The following NRG2 variants were observed in gnomAD, a reference collection of about 807,000 sequenced individuals.
NRG2 encodes the protein neuregulin 2.
NRG2 carries 27 observed loss-of-function variants against 73.9 expected under a neutral mutation model. The observed-to-expected ratio is 0.37, with a 90% CI of 0.27 to 0.50. The LOEUF (loss-of-function observed/expected upper bound fraction) is 0.50, where lower values mean the gene tolerates loss of function less well. NRG2 is among the 20% of genes least tolerant of loss of function. The pLI, the probability that NRG2 is intolerant of heterozygous loss-of-function variation, is 0.96. For synonymous variants in NRG2, 532 were observed against 541.0 expected, an observed-to-expected ratio of 0.98 and a Z score of 0.23; for missense variants, 1,126 against 1,210.1, an observed-to-expected ratio of 0.93 and a Z score of 1.03.
At chr5:139,958,658 C>T (rs77441021) in intron 1 of NRG2, among the ~76,000 whole-genome samples, 6 of 152,146 alleles carry the variant, frequency 3.9e-5, no homozygotes, top group African/African-American at 1.4e-4. Context: ...AAAAAAAATC[C>T]CCAAACCATA....
Position 139,852,435 on chromosome 5 carries a change from T to C in NRG2, c.1541A>G (p.His514Arg), listed in dbSNP as rs765040546. ...HCSTATPTSS[H>R]RHESHTWSLE... ...CATGGGCCTTGGTGGTGCCTACCTG[T>C]GGCTGGAGGTGGGTGTGGCTGTGGA... Residue 514 changes from histidine (H) to arginine (R), a missense_variant, in exon 8 of 10, where the codon CAC (histidine) becomes CGC (arginine). By Grantham distance (29) the His-to-Arg change is conservative. Transcript: ENST00000361474. The surrounding 1 kb of genome is among the most constrained non-coding windows in gnomAD (Gnocchi z 4.4). The C allele has an allele frequency of 6.2e-6, 10 of 1,612,666 alleles. No homozygotes were observed. The South Asian group carries it at 9.9e-5, about 16-fold the overall frequency.
At chr5:140,007,570 A>C (rs1759009587) in intron 1 of NRG2, among the ~76,000 whole-genome samples, 1 of 152,098 alleles carries the variant, frequency 6.6e-6, no homozygotes, top group South Asian at 2.1e-4. Context: ...GCCTGTCTGT[A>C]CATTCTCCTT....
intron 1 of NRG2, among the ~76,000 whole-genome samples, chr5:139,945,666 A>T (rs1027945437): frequency 6.6e-6 from 1 of 152,000 alleles, no homozygotes. Context: ...TGTCATTGGC[A>T]TTTTGATAGG....
chr5:139,957,763 T>C (rs1245998814), intron 1 of NRG2, among the ~76,000 whole-genome samples: 1 of 152,186 alleles, frequency 6.6e-6, no homozygotes, highest in Non-Finnish European at 1.5e-5. Context: ...CTAGCATTCC[T>C]CCTGGAGTAA....
intron 1 of NRG2, among the ~76,000 whole-genome samples, chr5:139,979,845 C>T (rs953153385): frequency 6.6e-6 from 1 of 152,184 alleles, no homozygotes; most frequent in Non-Finnish European, 1.5e-5. Flanking sequence ...CTAAGTCATA[C>T]CTGCATTCCT....
chr5:139,966,077 A>G (rs1173926503), intron 1 of NRG2, among the ~76,000 whole-genome samples: 4 of 152,120 alleles, frequency 2.6e-5, no homozygotes, highest in Non-Finnish European at 2.9e-5. Context: ...TGGTATCCCC[A>G]GTGTCAGTGT....
rs1765099555 is a variant in NRG2, at chr5:139,904,452, G to A, written c.701-16941C>T. On this transcript the variant is annotated intron_variant, in intron 1 of 9. Transcript: ENST00000361474. The surrounding 1 kb of genome is among the most constrained non-coding windows in gnomAD (Gnocchi z 6.0). ...CCTCAGCTCTCCGCTGCCGCGCTGCGCCCCCGCCGCCTGCAGCCTCAGTGC... is the reference window on the plus strand; with the variant it reads ...CCTCAGCTCTCCGCTGCCGCGCTGCACCCCCGCCGCCTGCAGCCTCAGTGC... 1.9e-6 allele frequency: 2 copies of A among 1,072,420 alleles called. No homozygotes were observed. Among genetic ancestry groups the A allele is most frequent in the South Asian group, 1.4e-5 (1 of 70,402 alleles). 66.4% of individuals were successfully genotyped at this position (1,072,420 alleles called of 1,614,324 possible). A position where few individuals can be genotyped will look rare whatever the true frequency, so the allele number is the denominator to read the frequency against.
rs989508911 is a variant in NRG2 at position 140,008,027 on chromosome 5, G to T, written c.700+34343C>A. Among the ~76,000 whole-genome samples the T allele has an allele frequency of 1.3e-5, 2 of 152,186 alleles. No individual in the cohort carries two copies. The highest frequency in any genetic ancestry group is 2.9e-5 in the Non-Finnish European group (2 of 68,036). On this transcript the variant is annotated intron_variant, in intron 1 of 9. Coordinates refer to ENST00000361474, the MANE Select transcript of NRG2 (RefSeq NM_004883.3). This position sits in a 1 kb window ranked among gnomAD's most constrained non-coding sequence, Gnocchi z 4.2. The stretch of plus-strand genomic sequence containing the variant: ...GAAGTCTGATACTGTGAGACCCACA[G>T]CCGCCAGTCCTATAGTAGGAAGCTG...
At chr5:139,900,497 C>G (rs958875697) in intron 1 of NRG2, among the ~76,000 whole-genome samples, 3 of 152,354 alleles carry the variant, frequency 2.0e-5, no homozygotes, top group African/African-American at 4.8e-5. Flanking sequence ...GGGTGTGCTA[C>G]TGGCTCAGAA....
chr5:139,972,267 T>C (rs1756029214), intron 1 of NRG2, among the ~76,000 whole-genome samples: 1 of 152,110 alleles, frequency 6.6e-6, no homozygotes, highest in South Asian at 2.1e-4. Context: ...AAATTATAGA[T>C]GGTTAAGAGA....
intron 1 of NRG2, among the ~76,000 whole-genome samples, chr5:140,000,457 G>T (rs1480413992): frequency 6.6e-6 from 1 of 152,242 alleles, no homozygotes; most frequent in African/African-American, 2.4e-5. Flanking sequence ...AGAGGGAGAG[G>T]ACTGAAGGGC....
rs1199940475 is a variant in NRG2, at chr5:139,887,316, G to A, written c.872+24C>T. The A allele has an allele frequency of 6.2e-6, 10 of 1,612,264 alleles. No individual in the cohort carries two copies. The highest frequency in any genetic ancestry group is 7.6e-6 in the Non-Finnish European group (9 of 1,178,494). ...AGGAGGGAGGGCAGCTGCTTGGATG[G>A]AGGACAGGCTGGATATTGCTTACCT... On this transcript the variant is annotated intron_variant, in intron 2 of 9. Coordinates refer to ENST00000361474, the MANE Select transcript of NRG2 (RefSeq NM_004883.3). This position sits in a 1 kb window ranked among gnomAD's most constrained non-coding sequence, Gnocchi z 4.5.
chr5:139,865,747 T>C lies in NRG2; in HGVS notation c.1113-122A>G. Reference sequence around the variant, plus strand: ...CAAGTCAGGCACTTGGGGTCATACTTGTAGCTGAAGGGACTGGAGTCAGGG... The same window carrying C: ...CAAGTCAGGCACTTGGGGTCATACTCGTAGCTGAAGGGACTGGAGTCAGGG... On this transcript the variant is annotated intron_variant, in intron 4 of 9. Coordinates refer to ENST00000361474, the MANE Select transcript of NRG2 (RefSeq NM_004883.3). The surrounding 1 kb of genome is among the most constrained non-coding windows in gnomAD (Gnocchi z 5.2). 1 of 716,972 alleles carries C rather than the reference T, an allele frequency of 1.4e-6. No homozygotes were observed. The highest frequency in any genetic ancestry group is 2.7e-5 in the East Asian group (1 of 36,624). The allele number at this position is 716,972 out of a possible 1,614,324, so 44.4% of individuals were successfully genotyped here. A position where few individuals can be genotyped will look rare whatever the true frequency, so the allele number is the denominator to read the frequency against.
chr5:139,892,624 A>G (rs1764283648), intron 1 of NRG2, among the ~76,000 whole-genome samples: 1 of 152,010 alleles, frequency 6.6e-6, no homozygotes, highest in Non-Finnish European at 1.5e-5. Flanking sequence ...GGCCCACACT[A>G]CAATGCTAGT....
At chr5:139,967,885 G>A (rs1228771417) in intron 1 of NRG2, among the ~76,000 whole-genome samples, 3 of 152,006 alleles carry the variant, frequency 2.0e-5, no homozygotes, top group African/African-American at 7.3e-5. Flanking sequence ...CTTGAATCTG[G>A]GAGGCAGAGG....
intron 1 of NRG2, among the ~76,000 whole-genome samples, chr5:140,005,897 T>C (rs1758860675): frequency 6.6e-6 from 1 of 152,208 alleles, no homozygotes; most frequent in African/African-American, 2.4e-5. Context: ...TAGCTCCTTC[T>C]AGCTAACTCC....
chr5:139,848,383 C>A lies in NRG2; in HGVS notation c.2087G>T (p.Ser696Ile). 3 of 1,252,704 alleles carry A rather than the reference C, an allele frequency of 2.4e-6. No individual in the cohort carries two copies. The highest frequency in any genetic ancestry group is 3.0e-6 in the Non-Finnish European group (3 of 1,005,268). The allele number at this position is 1,252,704 out of a possible 1,614,324, so 77.6% of individuals were successfully genotyped here. A position where few individuals can be genotyped will look rare whatever the true frequency, so the allele number is the denominator to read the frequency against. Residue 696 changes from serine (S) to isoleucine (I), a missense_variant, in exon 10 of 10, where the codon AGC (serine) becomes ATC (isoleucine). Ser to Ile is a moderately radical substitution (Grantham distance 142, BLOSUM62 -2). This residue lies in a region of NRG2 where 402 missense variants were observed against 357.8 expected (regional missense o/e 1.12). Coordinates refer to ENST00000361474, the MANE Select transcript of NRG2 (RefSeq NM_004883.3). Reference protein sequence around the residue: ...PRRGTCALGGSLGSLPASPFR... With the variant: ...PRRGTCALGGILGSLPASPFR... ...GGGGCTGGCAGGCAGGCTGCCCAGG[C>A]TGCCGCCGAGCGCGCAGGTCCCGCG...
At chr5:139,992,731 T>C (rs1454044783) in intron 1 of NRG2, among the ~76,000 whole-genome samples, 1 of 152,190 alleles carries the variant, frequency 6.6e-6, no homozygotes, top group East Asian at 1.9e-4. Context: ...CAAACACCTT[T>C]GTACCACTAC....
At chr5:140,021,270 A>T (rs1760202245) in intron 1 of NRG2, among the ~76,000 whole-genome samples, 1 of 152,166 alleles carries the variant, frequency 6.6e-6, no homozygotes, top group Non-Finnish European at 1.5e-5. Flanking sequence ...TGACAAATGG[A>T]GTTTAAACTG....
Sources: allele counts gnomAD v4.1 joint callset (sites outside exome capture counted in the v4.1 genomes callset), GRCh38; gene constraint gnomAD v4.1.1; regional missense constraint gnomAD v4.1.1; non-coding constraint Gnocchi (gnomAD v3.1); transcripts MANE v1.5; gene names NCBI Gene and HGNC (gene_info 2026-07-23, HGNC 2026-07-21).